The following DEPTOR variants were observed in gnomAD, a reference collection of about 807,000 sequenced individuals.
DEPTOR encodes DEP domain containing MTOR interacting protein.
A neutral mutation model predicts 41.6 loss-of-function variants in DEPTOR; 41 were observed. That is an observed-to-expected ratio of 0.98 (90% confidence interval 0.77 to 1.28). The LOEUF is 1.28. Ranked by LOEUF, DEPTOR falls within the 50% of genes most tolerant of loss-of-function variation. The pLI is 0.00. For missense variants in DEPTOR, 514 were observed against 527.9 expected (o/e 0.97, Z 0.26); for synonymous variants, 195 against 192.3 (o/e 1.01, Z -0.12).
intron 6 of DEPTOR, among the ~76,000 whole-genome samples, chr8:120,004,766 T>C (rs889942379): frequency 1.3e-4 from 20 of 152,094 alleles, no homozygotes; most frequent in Non-Finnish European, 2.8e-4. Flanking sequence ...TTCCACTTCT[T>C]ACCCATAGTT....
chr8:119,899,193 G>GT (rs1317635435), intron 1 of DEPTOR, among the ~76,000 whole-genome samples: 1 of 152,134 alleles, frequency 6.6e-6, no homozygotes, highest in African/African-American at 2.4e-5. Context: ...TCAGCTGCTT[G>GT]TTTTTGTTAA....
chr8:119,944,809 C>A (rs1282683457), intron 3 of DEPTOR, among the ~76,000 whole-genome samples: 1 of 152,080 alleles, frequency 6.6e-6, no homozygotes, highest in Non-Finnish European at 1.5e-5. Flanking sequence ...TGCGCACCAC[C>A]AAGCCCAGCT....
chr8:119,978,975 C>A (rs896952283), intron 4 of DEPTOR, among the ~76,000 whole-genome samples: 2 of 146,340 alleles, frequency 1.4e-5, no homozygotes, highest in African/African-American at 5.0e-5. Flanking sequence ...GCTCCCTGCT[C>A]ACCCCCACTC....
chr8:119,990,446 A>C (rs1330940138), intron 4 of DEPTOR, among the ~76,000 whole-genome samples: 1 of 152,174 alleles, frequency 6.6e-6, no homozygotes, highest in Non-Finnish European at 1.5e-5. Context: ...GTGAGCCACC[A>C]TGCCCGGCCA....
At chr8:120,027,324 T>C (rs953518497) in intron 8 of DEPTOR, among the ~76,000 whole-genome samples, 2 of 152,046 alleles carry the variant, frequency 1.3e-5, no homozygotes, top group African/African-American at 4.8e-5. Flanking sequence ...TTCCCAACTT[T>C]CTGAAATAGA....
intron 4 of DEPTOR, among the ~76,000 whole-genome samples, chr8:120,000,058 G>T (rs544044217): frequency 6.6e-6 from 1 of 152,300 alleles, no homozygotes; most frequent in South Asian, 2.1e-4. Context: ...AGTTATTTAT[G>T]TAAGGGGTTA....
chr8:119,880,835 G>T (rs1485420652), intron 1 of DEPTOR, among the ~76,000 whole-genome samples: 1 of 152,196 alleles, frequency 6.6e-6, no homozygotes, highest in Non-Finnish European at 1.5e-5. Context: ...GTAGGGTAAG[G>T]AAGAGAATTC....
intron 1 of DEPTOR, among the ~76,000 whole-genome samples, chr8:119,922,004 G>A (rs997908631): frequency 2.0e-5 from 3 of 151,932 alleles, no homozygotes; most frequent in African/African-American, 4.8e-5. Context: ...TTGGGAGGCC[G>A]AGGTGGGTGG....
At chr8:119,904,578 T>C (rs893548034) in intron 1 of DEPTOR, among the ~76,000 whole-genome samples, 5 of 151,966 alleles carry the variant, frequency 3.3e-5, no homozygotes, top group African/African-American at 1.2e-4. Context: ...CACTGCAACC[T>C]CCACCTCCTG....
intron 1 of DEPTOR, among the ~76,000 whole-genome samples, chr8:119,924,475 G>C (rs987765711): frequency 5.3e-5 from 8 of 151,966 alleles, no homozygotes; most frequent in Admixed American, 2.6e-4. Flanking sequence ...TAGCAACAAG[G>C]CTTCTGGGTG....
At chr8:120,002,287 G>C (rs1322969720) in intron 5 of DEPTOR, among the ~76,000 whole-genome samples, 1 of 150,568 alleles carries the variant, frequency 6.6e-6, no homozygotes, top group Non-Finnish European at 1.5e-5. Context: ...CTACAGGCAC[G>C]TGTCACCATG....
chr8:120,002,776 C>CAAAAAAA (rs1173820465), intron 5 of DEPTOR, among the ~76,000 whole-genome samples: 2 of 54,460 alleles, frequency 3.7e-5, no homozygotes, highest in African/African-American at 7.4e-5. Context: ...GACTCCATCT[C>CAAAAAAA]AAAAAAAAAA....
intron 1 of DEPTOR, among the ~76,000 whole-genome samples, chr8:119,913,380 G>A (rs1827769416): frequency 6.6e-6 from 1 of 152,170 alleles, no homozygotes; most frequent in African/African-American, 2.4e-5. Context: ...AATGACAAAA[G>A]TTGTTCATCA....
intron 4 of DEPTOR, among the ~76,000 whole-genome samples, chr8:119,976,041 T>C (rs1045002076): frequency 6.6e-6 from 1 of 151,814 alleles, no homozygotes; most frequent in African/African-American, 2.4e-5. Context: ...TTTGTATTTT[T>C]AATAGAGACG....
At chr8:119,896,867 G>A (rs1228345079) in intron 1 of DEPTOR, among the ~76,000 whole-genome samples, 1 of 152,010 alleles carries the variant, frequency 6.6e-6, no homozygotes, top group African/African-American at 2.4e-5. Flanking sequence ...TAATAATTGT[G>A]TCAACTACAT....
chr8:119,967,253 A>G (rs1828574072), intron 4 of DEPTOR, among the ~76,000 whole-genome samples: 1 of 150,212 alleles, frequency 6.7e-6, no homozygotes, highest in Admixed American at 6.6e-5. Flanking sequence ...TAATTTTTGT[A>G]TTTTTTAGTA....
intron 6 of DEPTOR, among the ~76,000 whole-genome samples, 176 bp from the exon 7 acceptor site, chr8:120,006,629 A>T (rs1472349778): frequency 6.6e-6 from 1 of 150,704 alleles, no homozygotes; most frequent in East Asian, 1.9e-4. Flanking sequence ...GTTTAGGGTT[A>T]TTTATGTTTG....
At chr8:119,977,851 G>T (rs1828716260) in intron 4 of DEPTOR, among the ~76,000 whole-genome samples, 2 of 151,802 alleles carry the variant, frequency 1.3e-5, no homozygotes, top group Admixed American at 1.3e-4. Flanking sequence ...TAAAGATGGG[G>T]TCTTGCTATA....
intron 1 of DEPTOR, among the ~76,000 whole-genome samples, chr8:119,916,581 G>A (rs960367040): frequency 4.6e-5 from 7 of 152,198 alleles, no homozygotes; most frequent in Admixed American, 1.3e-4. Flanking sequence ...ACTATAGACA[G>A]GGGTCAGCAG....
Sources: allele counts gnomAD v4.1 joint callset (sites outside exome capture counted in the v4.1 genomes callset), GRCh38; gene constraint gnomAD v4.1.1; transcripts MANE v1.5; gene names NCBI Gene and HGNC (gene_info 2026-07-23, HGNC 2026-07-21).